LRBA: variants seen among roughly 807,000 people sequenced by gnomAD.
The protein encoded by LRBA is lipopolysaccharide-responsive and beige-like anchor protein.
LRBA carries 176 observed loss-of-function variants against 330.0 expected under a neutral mutation model. That is an observed-to-expected ratio of 0.53 (90% CI 0.47 to 0.60). LRBA has a LOEUF of 0.60. LRBA is among the 20% of genes least tolerant of loss of function. LRBA has a pLI of 0.00. For missense variants in LRBA, 3,259 were observed against 3,444.8 expected, an observed-to-expected ratio of 0.95 and a Z score of 1.35; for synonymous variants, 1,230 against 1,193.0, an observed-to-expected ratio of 1.03 and a Z score of -0.64.
intron 44 of LRBA, among the ~76,000 whole-genome samples, chr4:150,445,363 C>CTG (rs1321548558): frequency 0.095 from 8,463 of 89,330 alleles, 433 homozygotes; most frequent in East Asian, 0.25. Flanking sequence ...CTCTCTCTCT[C>CTG]TCTCTCTCTC....
At position 150,467,750 on chromosome 4, in the gene LRBA, A is replaced by C. The variant is rs1755617058; in HGVS notation, c.6703T>G (p.Phe2235Val). The change falls in exon 44 of 57, where the codon TTT becomes GTT. Residue 2235 changes from phenylalanine to valine, a missense_variant. By Grantham distance (50) the Phe-to-Val change is conservative (BLOSUM62 -1). Coordinates refer to ENST00000651943, the MANE Select transcript of LRBA (RefSeq NM_001364905.1). ...SYNDLNQYPVFPWVITNYESE... is the reference protein window; with the variant it reads ...SYNDLNQYPVVPWVITNYESE... ...TCATAATTAGTGATGACCCAAGGAAACACTGGATACTGATTTAAGTCATTA... is the reference window on the plus strand; with the variant it reads ...TCATAATTAGTGATGACCCAAGGAACCACTGGATACTGATTTAAGTCATTA... The C allele has an allele frequency of 6.2e-7, 1 of 1,600,052 alleles. No individual in the cohort carries two copies. The highest frequency in any genetic ancestry group is 1.1e-5 in the South Asian group (1 of 89,762).
chr4:150,376,394 TA>T (rs1356373674), intron 47 of LRBA, among the ~76,000 whole-genome samples: 2 of 152,126 alleles, frequency 1.3e-5, no homozygotes, highest in Non-Finnish European at 2.9e-5. Context: ...TTCGCCTAAA[TA>T]AAATAAAACC....
In LRBA at chr4:150,282,527, A is replaced by AGAATAT; in HGVS notation, c.8233_8238dup (p.Ile2745_Phe2746dup). 1 of 1,614,166 alleles carries AGAATAT rather than the reference A, an allele frequency of 6.2e-7. No individual in the cohort carries two copies. The highest frequency in any genetic ancestry group is 8.5e-7 in the Non-Finnish European group (1 of 1,179,996). ...AATGTACAGAAGAGGCCGTTTTCAT[A>AGAATAT]GAATATGACACAATGACCCTCTCTT... On this transcript the variant is annotated inframe_insertion, in exon 55 of 57. Coordinates refer to ENST00000651943, the MANE Select transcript of LRBA (RefSeq NM_001364905.1).
intron 47 of LRBA, among the ~76,000 whole-genome samples, chr4:150,370,786 A>C (rs1455267505): frequency 2.6e-5 from 4 of 152,214 alleles, no homozygotes; most frequent in Non-Finnish European, 5.9e-5. Flanking sequence ...TATATATGAG[A>C]ACTCTCTAAA....
chr4:150,489,144 A>AATATATCAGAATATATAAT (rs1554039006), intron 41 of LRBA, among the ~76,000 whole-genome samples: 6,227 of 110,044 alleles, frequency 0.057, 252 homozygotes, highest in Non-Finnish European at 0.094. Context: ...TATAATATAT[A>AATATATCAGAATATATAAT]ATATATCAGA....
At chr4:150,711,062 T>G (rs1216351374) in intron 36 of LRBA, among the ~76,000 whole-genome samples, 3 of 151,770 alleles carry the variant, frequency 2.0e-5, no homozygotes, top group Non-Finnish European at 4.4e-5. Flanking sequence ...CAAAAAAAAT[T>G]TGAAAGTTTC....
chr4:150,963,556 C>A (rs1201199), intron 2 of LRBA, among the ~76,000 whole-genome samples: 17,215 of 149,236 alleles, frequency 0.12, 2,519 homozygotes, highest in South Asian at 0.26. Context: ...TCCCAGCCGC[C>A]TGCCTTGGCC....
chr4:150,765,587 A>C (rs142448129), intron 34 of LRBA, among the ~76,000 whole-genome samples: 209 of 152,242 alleles, frequency 1.4e-3, no homozygotes, highest in African/African-American at 4.8e-3. Context: ...AATGTCTTTT[A>C]AAAATTAGTA....
intron 34 of LRBA, 95 bp downstream of exon 34, chr4:150,797,986 A>G (rs911235021): frequency 2.7e-5 from 21 of 765,518 alleles, no homozygotes; most frequent in Non-Finnish European, 4.4e-5. Flanking sequence ...ATTTTATTAT[A>G]CCAAAAATTT....
At chr4:150,563,671 C>T (rs1484133578) in intron 40 of LRBA, among the ~76,000 whole-genome samples, 1 of 152,096 alleles carries the variant, frequency 6.6e-6, no homozygotes, top group Non-Finnish European at 1.5e-5. Flanking sequence ...AAGCTGATAA[C>T]CAACTTCAGC....
intron 35 of LRBA, among the ~76,000 whole-genome samples, chr4:150,754,063 A>T (rs566234539): frequency 1.3e-5 from 2 of 151,286 alleles, no homozygotes; most frequent in Non-Finnish European, 3.0e-5. Context: ...TTGAGACTCC[A>T]TCCAAAAAAA....
intron 34 of LRBA, among the ~76,000 whole-genome samples, chr4:150,780,391 T>C (rs1418474838): frequency 1.3e-5 from 2 of 152,144 alleles, no homozygotes; most frequent in Non-Finnish European, 2.9e-5. Flanking sequence ...CTATAAAGCT[T>C]TGGTCTCTGA....
rs57037174 is a variant in LRBA at position 150,807,628 on chromosome 4, T to TTTGTTG, written c.5384+686_5384+691dup. On this transcript the variant is annotated intron_variant, in intron 32 of 56. Transcript: ENST00000651943. ...GACTGGCTATCACTTATATCAGCAT[T>TTTGTTG]TTGTTGTTGTTGTTGTTGTTGTTGT... Among the ~76,000 whole-genome samples, 1,088 of 149,752 alleles carry TTTGTTG rather than the reference T, an allele frequency of 7.3e-3. 6 individuals are homozygous for TTTGTTG. The highest frequency in any genetic ancestry group is 0.024 in the African/African-American group (996 of 40,680).
intron 56 of LRBA, among the ~76,000 whole-genome samples, chr4:150,268,324 T>C (rs1343338996): frequency 6.6e-6 from 1 of 152,216 alleles, no homozygotes; most frequent in Non-Finnish European, 1.5e-5. Flanking sequence ...ACAAGATGGC[T>C]TCACTGATGA....
In LRBA at chr4:150,573,094, G is replaced by C. The variant is rs577534282; in HGVS notation, c.6330+14954C>G. On this transcript the variant is annotated intron_variant, in intron 40 of 56. Coordinates refer to ENST00000651943, the MANE Select transcript of LRBA (RefSeq NM_001364905.1). Reference sequence around the variant, plus strand: ...TGACTAGGCTTGCCTGTAGAAACCTGACCTTTTAAGTTTAGGTGAATATGG... The same window carrying C: ...TGACTAGGCTTGCCTGTAGAAACCTCACCTTTTAAGTTTAGGTGAATATGG... 3.3e-5 allele frequency among the ~76,000 whole-genome samples: 5 copies of C among 152,226 alleles called. No individual in the cohort carries two copies. In the East Asian group the frequency reaches 7.7e-4, roughly 24 times the overall value.
At chr4:150,895,733 G>T (rs577546926) in intron 16 of LRBA, among the ~76,000 whole-genome samples, 17 of 152,134 alleles carry the variant, frequency 1.1e-4, no homozygotes. Context: ...GAATAGTGCC[G>T]CAATAAACAT....
chr4:150,539,693 A>T (rs547279011), intron 40 of LRBA, among the ~76,000 whole-genome samples: 23 of 152,334 alleles, frequency 1.5e-4, no homozygotes, highest in Admixed American at 3.3e-4. Flanking sequence ...ATATACCAGA[A>T]TATTATACAT....
intron 44 of LRBA, among the ~76,000 whole-genome samples, chr4:150,452,291 G>A (rs904714881): frequency 2.6e-5 from 4 of 151,942 alleles, no homozygotes; most frequent in Non-Finnish European, 4.4e-5. Context: ...AAAAGAAAAC[G>A]CAATTATCTT....
At chr4:150,993,808 G>A (rs560400134) in intron 2 of LRBA, among the ~76,000 whole-genome samples, 10 of 152,056 alleles carry the variant, frequency 6.6e-5, no homozygotes, top group East Asian at 1.9e-4. Flanking sequence ...ATCTCACACC[G>A]GGTCCCTCCC....
Sources: gnomAD v4.1 joint callset for allele counts (sites outside exome capture counted in the v4.1 genomes callset) on GRCh38, gnomAD v4.1.1 for gene constraint, MANE v1.5 for transcripts, NCBI Gene and HGNC (gene_info 2026-07-23, HGNC 2026-07-21) for gene names.